The following ICA1L variants were observed in gnomAD, a reference collection of about 807,000 sequenced individuals.
ICA1L encodes islet cell autoantigen 1 like.
Under a neutral mutation model 61.3 loss-of-function variants are expected in ICA1L, and 50 were observed. The observed-to-expected ratio is 0.82, with a 90% CI of 0.65 to 1.03. The LOEUF (loss-of-function observed/expected upper bound fraction) is 1.03, where lower values mean the gene tolerates loss of function less well. Among genes scored for constraint, ICA1L ranks in the 50% least tolerant of loss-of-function variants. The pLI, the probability that ICA1L is intolerant of heterozygous loss-of-function variation, is 0.00. For synonymous variants in ICA1L, 161 were observed against 191.3 expected, an observed-to-expected ratio of 0.84 and a Z score of 1.31; for missense variants, 508 against 556.7, an observed-to-expected ratio of 0.91 and a Z score of 0.88.
intron 9 of ICA1L, among the ~76,000 whole-genome samples, chr2:202,800,065 T>C (rs992324499): frequency 2.0e-5 from 3 of 151,970 alleles, no homozygotes; most frequent in African/African-American, 7.3e-5. Context: ...GTATTTTTAG[T>C]AGAGATGGGA....
At chr2:202,788,736 A>G in intron 11 of ICA1L, 94 bp downstream of exon 11, 1 of 1,292,362 alleles carries the variant, frequency 7.7e-7, no homozygotes. Context: ...ATTAAAATCA[A>G]TCTGCTTGTT....
At chr2:202,781,236 A>G (rs115477810) in intron 12 of ICA1L, among the ~76,000 whole-genome samples, 2,000 of 152,242 alleles carry the variant, frequency 0.013, 17 homozygotes, top group Non-Finnish European at 0.019. Context: ...ATTAAACATA[A>G]TGTTCATAAA....
chr2:202,863,258 C>G (rs1424244872), intron 1 of ICA1L, among the ~76,000 whole-genome samples: 1 of 151,654 alleles, frequency 6.6e-6, no homozygotes, highest in African/African-American at 2.4e-5. Flanking sequence ...TATCATTGCA[C>G]TCCAGCCTAG....
intron 1 of ICA1L, among the ~76,000 whole-genome samples, chr2:202,851,384 G>T (rs1694615921): frequency 6.6e-6 from 1 of 152,100 alleles, no homozygotes; most frequent in South Asian, 2.1e-4. Flanking sequence ...GTGTATATGT[G>T]CCACATTTTC....
intron 1 of ICA1L, chr2:202,869,643 T>C (rs1419643117): frequency 6.6e-6 from 1 of 152,192 alleles, no homozygotes; most frequent in East Asian, 1.9e-4. Flanking sequence ...CAGTTGTTAA[T>C]GTCGGCCTCT....
intron 9 of ICA1L, among the ~76,000 whole-genome samples, chr2:202,809,541 G>A (rs1693316859): frequency 6.6e-6 from 1 of 152,018 alleles, no homozygotes; most frequent in Non-Finnish European, 1.5e-5. Context: ...CCAGTTATTC[G>A]GGAGGCTGAG....
intron 9 of ICA1L, among the ~76,000 whole-genome samples, chr2:202,807,659 C>T (rs1693262050): frequency 6.6e-6 from 1 of 152,170 alleles, no homozygotes; most frequent in Non-Finnish European, 1.5e-5. Context: ...GAAGTGCTTA[C>T]ATCACCCCTC....
chr2:202,818,478 G>T (rs1693604818), intron 5 of ICA1L, among the ~76,000 whole-genome samples: 1 of 152,144 alleles, frequency 6.6e-6, no homozygotes, highest in Non-Finnish European at 1.5e-5. Context: ...GGCCATGCAG[G>T]GTTTTTAGGG....
At chr2:202,814,822 A>G (rs1458140592) in intron 7 of ICA1L, 38 bp from the exon 8 acceptor site, 1 of 1,327,008 alleles carries the variant, frequency 7.5e-7, no homozygotes, top group African/African-American at 1.4e-5. Context: ...ATATAGAATG[A>G]ATCTGTTTCT....
chr2:202,816,941 A>G (rs1453899617), intron 6 of ICA1L, among the ~76,000 whole-genome samples: 4 of 152,232 alleles, frequency 2.6e-5, no homozygotes, highest in African/African-American at 4.8e-5. Context: ...AAAAGAACAT[A>G]TAACTTAGAA....
intron 1 of ICA1L, among the ~76,000 whole-genome samples, chr2:202,864,605 A>G (rs1559152695): frequency 6.6e-6 from 1 of 151,472 alleles, no homozygotes; most frequent in Non-Finnish European, 1.5e-5. Flanking sequence ...GTATGTATGT[A>G]TATGTGTGTG....
At chr2:202,813,258 C>CA (rs34755589) in intron 8 of ICA1L, among the ~76,000 whole-genome samples, 51,618 of 120,040 alleles carry the variant, frequency 0.43, 10,186 homozygotes, top group Middle Eastern at 0.63. Context: ...GAGACTCTGT[C>CA]AAAAAAAAAA....
intron 9 of ICA1L, among the ~76,000 whole-genome samples, chr2:202,806,385 A>G (rs763418948): frequency 2.0e-4 from 30 of 152,198 alleles, no homozygotes; most frequent in Admixed American, 1.6e-3. Flanking sequence ...GGAAGGACCC[A>G]GTCCTGGAAG....
chr2:202,847,695 T>TTATATATATATATATATATATATATG (rs80134434), intron 1 of ICA1L, among the ~76,000 whole-genome samples: 15 of 102,238 alleles, frequency 1.5e-4, no homozygotes, highest in African/African-American at 6.4e-4. Context: ...TATATGGGAA[T>TTATATATATATATATATATATATATG]TATATATATA....
chr2:202,794,196 A>G (rs1331900515), intron 10 of ICA1L, among the ~76,000 whole-genome samples: 4 of 151,198 alleles, frequency 2.6e-5, no homozygotes, highest in Admixed American at 2.6e-4. Context: ...TTCAACAACT[A>G]TTAGCCAGGT....
rs1692319492 is a variant in ICA1L at position 202,779,260 on chromosome 2, T to C, written c.*273A>G. On this transcript the variant is annotated 3_prime_UTR_variant, in exon 13 of 13. Coordinates refer to ENST00000358299, the MANE Select transcript of ICA1L (RefSeq NM_001288622.3). Reference sequence around the variant, plus strand: ...GCCGTTATTTTGACATAAATTTCAGTATCTAAATATCGCAAACTCTGTAGT... The same window carrying C: ...GCCGTTATTTTGACATAAATTTCAGCATCTAAATATCGCAAACTCTGTAGT... 1 of 326,310 alleles carries C rather than the reference T, an allele frequency of 3.1e-6. No individual in the cohort carries two copies. The highest frequency in any genetic ancestry group is 4.7e-5 in the Admixed American group (1 of 21,392). The allele number at this position is 326,310 out of a possible 1,614,324, so 20.2% of individuals were successfully genotyped here.
chr2:202,783,627 C>T (rs940685345), intron 12 of ICA1L, among the ~76,000 whole-genome samples: 1 of 152,168 alleles, frequency 6.6e-6, no homozygotes, highest in Admixed American at 6.5e-5. Context: ...AGAGACTTTA[C>T]TAAATGCAAT....
intron 1 of ICA1L, among the ~76,000 whole-genome samples, chr2:202,868,919 G>A (rs1245654098): frequency 1.3e-5 from 2 of 152,094 alleles, no homozygotes; most frequent in Non-Finnish European, 2.9e-5. Context: ...AGTGAGCTGA[G>A]ATCGCGCCAC....
intron 11 of ICA1L, 105 bp from the exon 12 acceptor site, chr2:202,786,112 G>C: frequency 1.5e-6 from 1 of 656,970 alleles, no homozygotes; most frequent in Non-Finnish European, 2.7e-6. Flanking sequence ...CTTTGTATCT[G>C]GGTAAGATTC....
Sources: allele counts gnomAD v4.1 joint callset (sites outside exome capture counted in the v4.1 genomes callset), GRCh38; gene constraint gnomAD v4.1.1; transcripts MANE v1.5; gene names NCBI Gene and HGNC (gene_info 2026-07-23, HGNC 2026-07-21).